FBXO34: variants seen among roughly 807,000 people sequenced by gnomAD.
FBXO34 encodes the protein F-box protein 34.
FBXO34 carries 12 observed loss-of-function variants against 24.5 expected under a neutral mutation model. The ratio of observed to expected loss-of-function variants is 0.49; its 90% CI spans 0.31 to 0.79. The LOEUF is 0.79. Ranked by LOEUF, FBXO34 falls within the 30% of genes least tolerant of loss-of-function variation. The probability of loss-of-function intolerance (pLI) is 0.04; values close to 1 mark genes in which losing one functional copy is unlikely to be tolerated. For missense variants in FBXO34, 823 were observed against 857.7 expected (o/e 0.96, Z 0.51); for synonymous variants, 320 against 311.9 (o/e 1.03, Z -0.27).
chr14:55,296,391 GTTT>G (rs1167344634), intron 1 of FBXO34, among the ~76,000 whole-genome samples: 7,935 of 65,066 alleles, frequency 0.12, 422 homozygotes, highest in South Asian at 0.21. Context: ...TGTTTTTTTT[GTTT>G]TTTTTTTTTT....
At chr14:55,423,840 G>T in the FBXO34 span, among the ~76,000 whole-genome samples, 1 of 152,120 alleles carries the variant, frequency 6.6e-6, no homozygotes, top group African/African-American at 2.4e-5. Flanking sequence ...CCTGTGTTAG[G>T]ACCTTGTGTG....
At chr14:55,295,596 A>C (rs1882094998) in intron 1 of FBXO34, among the ~76,000 whole-genome samples, 3 of 152,004 alleles carry the variant, frequency 2.0e-5, no homozygotes, top group African/African-American at 7.3e-5. Context: ...GGGTTTTGCC[A>C]TGTTGGCCAG....
At chr14:55,413,535 CAGAATTTTT>C in the FBXO34 span, 1 of 389,090 alleles carries the variant, frequency 2.6e-6, no homozygotes, top group East Asian at 6.9e-5. Context: ...TTGTACAGTT[CAGAATTTTT>C]TTTGACACCT....
chr14:55,350,549 C>T lies in FBXO34; in HGVS notation c.159C>T (p.Leu53=), dbSNP rs186967247. ...CAAGTGTCTTTCCTTCAGCCTCTCT[C>T]GGTAAAGCATCATCTCGAAAGCCAT... ...ITSSVFPSAS[L]GKASSRKPFG... The change falls in exon 2 of 2, where the codon CTC becomes CTT. Residue 53 remains leucine (L), a synonymous_variant. Transcript: ENST00000313833. The T allele has an allele frequency of 3.1e-5, 50 of 1,613,298 alleles. No homozygotes were observed. The East Asian group carries it at 5.3e-4, about 17-fold the overall frequency.
At chr14:55,283,646 G>A (rs1881639429) in intron 1 of FBXO34, among the ~76,000 whole-genome samples, 1 of 151,432 alleles carries the variant, frequency 6.6e-6, no homozygotes, top group South Asian at 2.1e-4. Context: ...TTTTTAGTAG[G>A]GATGGGGTTT....
At chr14:55,361,003 GA>G (rs111865007) in intron 3 of FBXO34, among the ~76,000 whole-genome samples, 334 of 135,914 alleles carry the variant, frequency 2.5e-3, no homozygotes, top group Middle Eastern at 7.5e-3. Context: ...GTCTCAAAAA[GA>G]AAAAAAAAAA....
intron 1 of FBXO34, among the ~76,000 whole-genome samples, chr14:55,330,824 C>T (rs563943694): frequency 6.6e-6 from 1 of 152,244 alleles, no homozygotes; most frequent in East Asian, 1.9e-4. Flanking sequence ...CACACACATA[C>T]CTTGCTCCCT....
chr14:55,297,193 C>T (rs991461597), intron 1 of FBXO34, among the ~76,000 whole-genome samples: 1 of 152,120 alleles, frequency 6.6e-6, no homozygotes. Flanking sequence ...ATAGGCTGCT[C>T]TTTGTTAGGA....
the FBXO34 span, among the ~76,000 whole-genome samples, chr14:55,379,279 TA>T: frequency 6.6e-6 from 1 of 152,096 alleles, no homozygotes; most frequent in African/African-American, 2.4e-5. Flanking sequence ...TTCATGCCTG[TA>T]ATCCCAGCAC....
chr14:55,405,489 G>T, the FBXO34 span, among the ~76,000 whole-genome samples: 1 of 152,142 alleles, frequency 6.6e-6, no homozygotes, highest in Non-Finnish European at 1.5e-5. Flanking sequence ...CATACAATTT[G>T]TCTCTCTTTT....
At chr14:55,386,668 C>A in the FBXO34 span, among the ~76,000 whole-genome samples, 4 of 152,154 alleles carry the variant, frequency 2.6e-5, no homozygotes, top group Non-Finnish European at 5.9e-5. Flanking sequence ...GACACGCATG[C>A]CCAGCATTTT....
intron 1 of FBXO34, among the ~76,000 whole-genome samples, chr14:55,289,105 A>G (rs1881857479): frequency 1.3e-5 from 2 of 152,090 alleles, no homozygotes; most frequent in African/African-American, 2.4e-5. Context: ...AATGACCCCA[A>G]AACTTCTCTT....
chr14:55,356,985 C>T (rs765542779), downstream of FBXO34, among the ~76,000 whole-genome samples: 6 of 152,112 alleles, frequency 3.9e-5, no homozygotes, highest in South Asian at 6.2e-4. Flanking sequence ...CTTTTATCCC[C>T]GTTTTTCCTC....
At chr14:55,348,685 CTT>C (rs1427609192) in intron 1 of FBXO34, among the ~76,000 whole-genome samples, 1 of 152,198 alleles carries the variant, frequency 6.6e-6, no homozygotes, top group Non-Finnish European at 1.5e-5. Flanking sequence ...TCAGGGGTAA[CTT>C]TTAAAAAACA....
chr14:55,325,126 A>G (rs1473169920), intron 1 of FBXO34, among the ~76,000 whole-genome samples: 1 of 152,214 alleles, frequency 6.6e-6, no homozygotes, highest in Non-Finnish European at 1.5e-5. Flanking sequence ...GGGAATGAAC[A>G]TTCAGTCTAT....
intron 1 of FBXO34, among the ~76,000 whole-genome samples, chr14:55,323,228 T>TGA (rs1555337929): frequency 1.3e-5 from 1 of 75,584 alleles, no homozygotes. Context: ...AATATATATT[T>TGA]TTTTTTTTTT....
intron 1 of FBXO34, among the ~76,000 whole-genome samples, chr14:55,321,044 A>C (rs560117387): frequency 6.7e-6 from 1 of 149,330 alleles, no homozygotes; most frequent in African/African-American, 2.4e-5. Context: ...GGACACAGAG[A>C]AAATGACCAA....
At chr14:55,421,197 A>G in the FBXO34 span, among the ~76,000 whole-genome samples, 1 of 152,184 alleles carries the variant, frequency 6.6e-6, no homozygotes, top group South Asian at 2.1e-4. Flanking sequence ...ATTTATTTGT[A>G]ATGATACATG....
chr14:55,402,884 C>A, the FBXO34 span, among the ~76,000 whole-genome samples: 4 of 69,338 alleles, frequency 5.8e-5, no homozygotes, highest in Non-Finnish European at 1.0e-4. Context: ...TAGTAAGACT[C>A]CATCTCTACA....
Sources: gnomAD v4.1 joint callset for allele counts (sites outside exome capture counted in the v4.1 genomes callset) on GRCh38, gnomAD v4.1.1 for gene constraint, MANE v1.5 for transcripts, NCBI Gene and HGNC (gene_info 2026-07-23, HGNC 2026-07-21) for gene names.